Variants in PIN4 observed in about 807,000 individuals in gnomAD.
The protein encoded by PIN4 is peptidylprolyl cis/trans isomerase, NIMA-interacting 4, also known as peptidyl-prolyl cis-trans isomerase NIMA-interacting 4.
Under a neutral mutation model 8.3 loss-of-function variants are expected in PIN4, and 3 were observed. The observed-to-expected ratio is 0.36, with a 90% CI of 0.16 to 0.93. The LOEUF is 0.93. Ranked by LOEUF, PIN4 falls within the 40% of genes least tolerant of loss-of-function variation. The pLI is 0.44. For synonymous variants in PIN4, 18 were observed against 32.5 expected (o/e 0.55, Z 1.52); for missense variants, 75 against 100.6 (o/e 0.75, Z 1.09).
At chrX:72,231,347 T>C (rs1440831966) in intron 3 of PIN4, among the ~76,000 whole-genome samples, 1 of 111,436 alleles carries the variant, frequency 9.0e-6, no homozygotes, top group Non-Finnish European at 1.9e-5. Flanking sequence ...TGATCTCGCT[T>C]ATACATGGAA....
intron 3 of PIN4, among the ~76,000 whole-genome samples, chrX:72,223,832 T>A (rs1025272403): frequency 9.0e-6 from 1 of 111,596 alleles, no homozygotes; most frequent in African/African-American, 3.3e-5. Context: ...CACCCTGAAG[T>A]GCCACATCAG....
intron 3 of PIN4, among the ~76,000 whole-genome samples, chrX:72,216,371 T>C (rs985204587): frequency 1.8e-5 from 2 of 112,007 alleles, no homozygotes; most frequent in Non-Finnish European, 3.8e-5. Flanking sequence ...GACACCTTGA[T>C]TTCAGACTTC....
At chrX:72,195,640 C>T (rs1221647829) in intron 2 of PIN4, among the ~76,000 whole-genome samples, 5 of 108,126 alleles carry the variant, frequency 4.6e-5, no homozygotes, top group African/African-American at 1.7e-4. Context: ...GACTCTGTCT[C>T]AAAAAAAAAG....
chrX:72,230,035 C>T (rs188385967), intron 3 of PIN4, among the ~76,000 whole-genome samples: 58 of 109,457 alleles, frequency 5.3e-4, no homozygotes, highest in South Asian at 2.0e-3. Context: ...ATTGGCTGGG[C>T]GTGGTGGTGG....
intron 3 of PIN4, among the ~76,000 whole-genome samples, chrX:72,211,572 G>A (rs2042854444): frequency 9.0e-6 from 1 of 111,336 alleles, no homozygotes; most frequent in South Asian, 3.8e-4. Context: ...AATTCAAGAT[G>A]AGATTGAGGA....
chrX:72,230,779 C>T (rs2042979018), intron 3 of PIN4, among the ~76,000 whole-genome samples: 2 of 111,249 alleles, frequency 1.8e-5, no homozygotes, highest in African/African-American at 6.5e-5. Context: ...GCCTGGGCAA[C>T]ATGGCAAAAC....
At chrX:72,215,673 C>T (rs1360560118) in intron 3 of PIN4, among the ~76,000 whole-genome samples, 2 of 111,433 alleles carry the variant, frequency 1.8e-5, no homozygotes, top group East Asian at 2.8e-4. Context: ...TAACACGCTG[C>T]GATTTGGCTT....
At chrX:72,207,845 C>A in intron 3 of PIN4, 1 of 1,206,942 alleles carries the variant, frequency 8.3e-7, no homozygotes, top group Non-Finnish European at 1.1e-6. Context: ...AATCCCAAGG[C>A]TTTTTCTCCT....
intron 3 of PIN4, among the ~76,000 whole-genome samples, chrX:72,252,287 T>G (rs904365617): frequency 3.6e-5 from 4 of 111,028 alleles, no homozygotes; most frequent in African/African-American, 1.3e-4. Flanking sequence ...TTCGTAGAGG[T>G]GGGTTCTTGC....
chrX:72,182,082 TA>T (rs1220179268), intron 1 of PIN4, among the ~76,000 whole-genome samples: 1 of 112,542 alleles, frequency 8.9e-6, no homozygotes, highest in Non-Finnish European at 1.9e-5. Context: ...ATTAGAGCTC[TA>T]AAATTGGGTC....
intron 3 of PIN4, among the ~76,000 whole-genome samples, chrX:72,223,635 C>G (rs1374293113): frequency 9.0e-6 from 1 of 110,993 alleles, no homozygotes; most frequent in Non-Finnish European, 1.9e-5. Context: ...GTGATCCACC[C>G]GCCTTGGCCT....
At chrX:72,206,657 C>T in intron 3 of PIN4, 1 of 1,211,555 alleles carries the variant, frequency 8.3e-7, no homozygotes. Context: ...AGGAATTGAG[C>T]TTTCTGAACC....
intron 3 of PIN4, among the ~76,000 whole-genome samples, chrX:72,221,650 A>G (rs887893805): frequency 1.8e-5 from 2 of 111,328 alleles, no homozygotes; most frequent in African/African-American, 6.5e-5. Flanking sequence ...AATACACATT[A>G]GATAATGACA....
At chrX:72,223,786 A>C (rs2147598028) in intron 3 of PIN4, among the ~76,000 whole-genome samples, 1 of 111,400 alleles carries the variant, frequency 9.0e-6, no homozygotes, top group East Asian at 2.9e-4. Context: ...CCTCCAGACA[A>C]CCCCAAGGGA....
chrX:72,244,657 T>G lies in PIN4; in HGVS notation c.313-18050T>G, dbSNP rs1010857732. ...AGGTACCTTCAATCCCAACCCAGCG[T>G]TTTTTCCAGCACACATCATGGCTTC... is the stretch of plus-strand genomic sequence containing the variant. On this transcript the variant is annotated intron_variant, in intron 3 of 3. Coordinates refer to the PIN4 transcript ENST00000423432. 2.7e-5 allele frequency among the ~76,000 whole-genome samples: 3 copies of G among 111,079 alleles called. No homozygotes were observed. In the Admixed American group the frequency reaches 2.9e-4, roughly 11 times the overall value.
chrX:72,261,187 C>T (rs1002492571), intron 3 of PIN4, among the ~76,000 whole-genome samples: 12 of 107,066 alleles, frequency 1.1e-4, no homozygotes, highest in African/African-American at 4.1e-4. Context: ...CCCAGCTACT[C>T]GGGAGGCTGA....
intron 3 of PIN4, among the ~76,000 whole-genome samples, chrX:72,210,646 TC>T (rs913703247): frequency 2.9e-4 from 32 of 110,633 alleles, no homozygotes; most frequent in African/African-American, 9.9e-4. Flanking sequence ...TGGGCCAGAG[TC>T]CCCACTAATC....
At chrX:72,248,894 A>C (rs1162456307) in intron 3 of PIN4, among the ~76,000 whole-genome samples, 3 of 110,417 alleles carry the variant, frequency 2.7e-5, no homozygotes, top group Non-Finnish European at 5.7e-5. Flanking sequence ...GAAAAGAAAA[A>C]GAAAAAAAAA....
chrX:72,219,618 C>A (rs770598151), intron 3 of PIN4, among the ~76,000 whole-genome samples: 1 of 110,054 alleles, frequency 9.1e-6, no homozygotes, highest in African/African-American at 3.3e-5. Context: ...GAGGCCAAGG[C>A]GGGCAGATCA....
Sources: allele counts gnomAD v4.1 joint callset (sites outside exome capture counted in the v4.1 genomes callset), GRCh38; gene constraint gnomAD v4.1.1; transcripts MANE v1.5; gene names NCBI Gene and HGNC (gene_info 2026-07-23, HGNC 2026-07-21).